The following ANO2 variants were observed in gnomAD, a reference collection of about 807,000 sequenced individuals.
ANO2 encodes the protein anoctamin-2.
A neutral mutation model predicts 124.2 loss-of-function variants in ANO2; 101 were observed. That is an observed-to-expected ratio of 0.81 (90% CI 0.69 to 0.96). ANO2 has a LOEUF of 0.96. ANO2 is among the 40% of genes least tolerant of loss of function. ANO2 has a pLI of 0.00. For synonymous variants in ANO2, 486 were observed against 482.5 expected, an observed-to-expected ratio of 1.01 and a Z score of -0.09; for missense variants, 1,293 against 1,274.5, an observed-to-expected ratio of 1.01 and a Z score of -0.22.
At chr12:5,788,092 T>C (rs1952588216) in intron 10 of ANO2, among the ~76,000 whole-genome samples, 1 of 152,132 alleles carries the variant, frequency 6.6e-6, no homozygotes, top group Non-Finnish European at 1.5e-5. Flanking sequence ...TACTTCATGT[T>C]TTCCTTCTTT....
rs1289228230 is a variant in ANO2, at chr12:5,904,033, C to A, written c.534+17007G>T. On this transcript the variant is annotated intron_variant, in intron 3 of 24. Coordinates refer to ENST00000682330, the MANE Select transcript of ANO2 (RefSeq NM_001364791.2). The surrounding 1 kb of genome is among the most constrained non-coding windows in gnomAD (Gnocchi z 4.1). ...ATGACCCTGGGCAATTTCCTGCCTT[C>A]TGCTTTCTTCATTAAACACTGACCT... 6.6e-6 allele frequency among the ~76,000 whole-genome samples: 1 copy of A among 152,206 alleles called. No individual in the cohort carries two copies. The highest frequency in any genetic ancestry group is 6.5e-5 in the Admixed American group (1 of 15,280).
At chr12:5,608,500 C>T (rs1170238745) in intron 19 of ANO2, among the ~76,000 whole-genome samples, 1 of 151,864 alleles carries the variant, frequency 6.6e-6, no homozygotes, top group Non-Finnish European at 1.5e-5. Flanking sequence ...TTGGAATCAG[C>T]AGTGACCAGC....
intron 23 of ANO2, among the ~76,000 whole-genome samples, chr12:5,571,645 T>C (rs1942128054): frequency 6.6e-6 from 1 of 152,122 alleles, no homozygotes; most frequent in African/African-American, 2.4e-5. Context: ...TTATCTCTGT[T>C]TCTCAAAATA....
chr12:5,776,833 G>T (rs1404418685), intron 10 of ANO2, among the ~76,000 whole-genome samples: 2 of 152,202 alleles, frequency 1.3e-5, no homozygotes, highest in Non-Finnish European at 2.9e-5. Flanking sequence ...TAAGTCCGTG[G>T]TCACACACTT....
intron 14 of ANO2, among the ~76,000 whole-genome samples, chr12:5,652,800 T>C (rs1946974476): frequency 6.6e-6 from 1 of 152,202 alleles, no homozygotes; most frequent in African/African-American, 2.4e-5. Context: ...TCACTGATGA[T>C]GTCAACCTTG....
At chr12:5,817,111 G>T (rs917778203) in intron 7 of ANO2, among the ~76,000 whole-genome samples, 2 of 152,146 alleles carry the variant, frequency 1.3e-5, no homozygotes, top group Non-Finnish European at 2.9e-5. Flanking sequence ...AAAGCAGAGG[G>T]CGTCTAGTCT....
At chr12:5,567,332 G>A (rs1292872889) in intron 23 of ANO2, among the ~76,000 whole-genome samples, 1 of 152,234 alleles carries the variant, frequency 6.6e-6, no homozygotes, top group Non-Finnish European at 1.5e-5. Flanking sequence ...ATGGCAGAGA[G>A]GGAGAGCGTG....
chr12:5,658,268 C>A lies in ANO2; in HGVS notation c.1546-10467G>T, dbSNP rs139244626. On this transcript the variant is annotated intron_variant, in intron 14 of 24. Coordinates refer to ENST00000682330, the MANE Select transcript of ANO2 (RefSeq NM_001364791.2). The surrounding 1 kb of genome is among the most constrained non-coding windows in gnomAD (Gnocchi z 4.3). ...CATAACAAAGAGATTGAAAATAGTGCCAACGGTATGAGATTGCTGCTATGG... is the reference window on the plus strand; with the variant it reads ...CATAACAAAGAGATTGAAAATAGTGACAACGGTATGAGATTGCTGCTATGG... Among the ~76,000 whole-genome samples, 1 of 152,100 alleles carries A rather than the reference C, an allele frequency of 6.6e-6. No individual in the cohort carries two copies. Among genetic ancestry groups the A allele is most frequent in the Non-Finnish European group, 1.5e-5 (1 of 68,020 alleles).
chr12:5,926,122 C>T (rs1160507665), intron 1 of ANO2, among the ~76,000 whole-genome samples: 1 of 152,254 alleles, frequency 6.6e-6, no homozygotes, highest in Admixed American at 6.5e-5. Context: ...CTCCACCAAA[C>T]AGTCAACGAG....
At chr12:5,838,365 T>C (rs1323822502) in intron 4 of ANO2, among the ~76,000 whole-genome samples, 1 of 152,180 alleles carries the variant, frequency 6.6e-6, no homozygotes, top group African/African-American at 2.4e-5. Flanking sequence ...TGCATAGCCC[T>C]GAACAAGACC....
chr12:5,637,824 G>A (rs1946101199), intron 15 of ANO2, among the ~76,000 whole-genome samples: 1 of 152,134 alleles, frequency 6.6e-6, no homozygotes, highest in East Asian at 1.9e-4. Flanking sequence ...ATCAAGCTCT[G>A]AACCTCTCGT....
chr12:5,752,641 T>C (rs1383544502), intron 10 of ANO2, among the ~76,000 whole-genome samples: 9 of 151,986 alleles, frequency 5.9e-5, no homozygotes, highest in East Asian at 3.9e-4. Context: ...TTACCAGATA[T>C]ATGGTTTGCA....
intron 14 of ANO2, among the ~76,000 whole-genome samples, chr12:5,656,685 A>C (rs1258098925): frequency 6.6e-6 from 1 of 152,230 alleles, no homozygotes; most frequent in Non-Finnish European, 1.5e-5. Flanking sequence ...TGTCAGATAC[A>C]TAGTGCAAGC....
At chr12:5,613,231 G>A (rs1213873545) in intron 17 of ANO2, among the ~76,000 whole-genome samples, 1 of 151,710 alleles carries the variant, frequency 6.6e-6, no homozygotes, top group Admixed American at 6.6e-5. Context: ...GTGCGTGTAT[G>A]TGTGTGTGTG....
intron 15 of ANO2, among the ~76,000 whole-genome samples, chr12:5,640,193 C>T (rs553251069): frequency 4.1e-4 from 63 of 152,304 alleles, no homozygotes; most frequent in African/African-American, 5.1e-4. Flanking sequence ...CCAACTGACT[C>T]GGTAGATTGG....
At chr12:5,889,587 G>A (rs1232663694) in intron 3 of ANO2, among the ~76,000 whole-genome samples, 4 of 152,252 alleles carry the variant, frequency 2.6e-5, no homozygotes, top group African/African-American at 4.8e-5. Flanking sequence ...TGTCTTACAC[G>A]TGTCCCATCT....
At chr12:5,918,633 G>T (rs1941518388) in intron 3 of ANO2, among the ~76,000 whole-genome samples, 2 of 151,860 alleles carry the variant, frequency 1.3e-5, no homozygotes, top group South Asian at 4.2e-4. Flanking sequence ...TAGAGACAGT[G>T]TTTCACCATA....
chr12:5,880,108 C>G (rs114809961), intron 3 of ANO2, among the ~76,000 whole-genome samples: 12 of 152,252 alleles, frequency 7.9e-5, no homozygotes, highest in African/African-American at 2.9e-4. Flanking sequence ...GAGAGAGAAT[C>G]TAAGGAGGCT....
chr12:5,756,721 C>T (rs1951593578), intron 10 of ANO2, among the ~76,000 whole-genome samples: 1 of 151,152 alleles, frequency 6.6e-6, no homozygotes, highest in Admixed American at 6.6e-5. Flanking sequence ...CACTAGAGGA[C>T]TGGGCTGCTG....
Sources: allele counts gnomAD v4.1 joint callset (sites outside exome capture counted in the v4.1 genomes callset), GRCh38; gene constraint gnomAD v4.1.1; non-coding constraint Gnocchi (gnomAD v3.1); transcripts MANE v1.5; gene names NCBI Gene and HGNC (gene_info 2026-07-23, HGNC 2026-07-21).